Variants in METTL15 observed in about 807,000 individuals in gnomAD.
METTL15 encodes methyltransferase 15, mitochondrial 12S rRNA N4-cytidine.
Under a neutral mutation model 38.3 loss-of-function variants are expected in METTL15, and 34 were observed. The ratio of observed to expected loss-of-function variants is 0.89; its 90% CI spans 0.68 to 1.18. The LOEUF is 1.18. Among genes scored for constraint, METTL15 ranks in the 50% most tolerant of loss-of-function variants. The pLI is 0.00. For synonymous variants in METTL15, 162 were observed against 170.9 expected, an observed-to-expected ratio of 0.95 and a Z score of 0.41; for missense variants, 438 against 498.4, an observed-to-expected ratio of 0.88 and a Z score of 1.15.
intron 6 of METTL15, among the ~76,000 whole-genome samples, chr11:28,309,236 T>C (rs1410501586): frequency 6.6e-6 from 1 of 152,246 alleles, no homozygotes; most frequent in African/African-American, 2.4e-5. Context: ...TGCTGCCAAC[T>C]ACCTGGCTGA....
intron 5 of METTL15, among the ~76,000 whole-genome samples, chr11:28,392,386 A>T (rs892895928): frequency 6.6e-6 from 1 of 152,152 alleles, no homozygotes; most frequent in Non-Finnish European, 1.5e-5. Context: ...ATAAGGACAG[A>T]CATATAGACT....
rs999820762 is a variant in METTL15, at chr11:28,290,133, C to T, written c.408-73C>T. On this transcript the variant is annotated intron_variant, in intron 4 of 6. Transcript: ENST00000407364. Reference sequence around the variant, plus strand: ...ATGTAATAATAGAATGTGCTCCCTTCCATTGATCATAGACTTTAGAAAGAC... The same window carrying T: ...ATGTAATAATAGAATGTGCTCCCTTTCATTGATCATAGACTTTAGAAAGAC... 5.2e-5 allele frequency: 66 copies of T among 1,260,138 alleles called. No homozygotes were observed. The African/African-American group carries it at 7.7e-4, about 15-fold the overall frequency. The allele number at this position is 1,260,138 out of a possible 1,614,324, so 78.1% of individuals were successfully genotyped here. A position where few individuals can be genotyped will look rare whatever the true frequency, so the allele number is the denominator to read the frequency against.
chr11:28,175,365 G>A (rs1442782929), intron 3 of METTL15, among the ~76,000 whole-genome samples: 6 of 152,182 alleles, frequency 3.9e-5, no homozygotes, highest in South Asian at 2.1e-4. Flanking sequence ...CATTTGGGTT[G>A]GTTCCAAGTC....
intron 6 of METTL15, among the ~76,000 whole-genome samples, chr11:28,486,953 G>C (rs1851444242): frequency 6.6e-6 from 1 of 151,896 alleles, no homozygotes; most frequent in Non-Finnish European, 1.5e-5. Flanking sequence ...ACTAAGAATA[G>C]ATCTCCTGCA....
chr11:28,113,030 T>G (rs1208792947), intron 2 of METTL15, among the ~76,000 whole-genome samples: 1 of 152,164 alleles, frequency 6.6e-6, no homozygotes, highest in African/African-American at 2.4e-5. Flanking sequence ...GACCTAATAA[T>G]CAATTTTCAT....
At chr11:28,514,635 G>A (rs1236310987) in intron 6 of METTL15, among the ~76,000 whole-genome samples, 3 of 152,202 alleles carry the variant, frequency 2.0e-5, no homozygotes, top group African/African-American at 7.2e-5. Context: ...GAATGCTTAT[G>A]AGTTCAGAGT....
intron 6 of METTL15, among the ~76,000 whole-genome samples, chr11:28,467,063 G>C (rs1851263015): frequency 6.6e-6 from 1 of 152,164 alleles, no homozygotes; most frequent in African/African-American, 2.4e-5. Flanking sequence ...TGCCTTTCGG[G>C]ATCTCCCTAC....
intron 6 of METTL15, among the ~76,000 whole-genome samples, chr11:28,502,435 A>G (rs951702796): frequency 1.3e-5 from 2 of 152,212 alleles, no homozygotes; most frequent in African/African-American, 4.8e-5. Context: ...AAAACTTTAT[A>G]CACACAAACC....
chr11:28,386,798 T>G (rs1019186088), intron 5 of METTL15, among the ~76,000 whole-genome samples: 7 of 151,940 alleles, frequency 4.6e-5, no homozygotes, highest in Non-Finnish European at 1.0e-4. Context: ...CAAAATAGAT[T>G]CCGTGTTAGA....
intron 6 of METTL15, among the ~76,000 whole-genome samples, chr11:28,301,820 A>T (rs1246608621): frequency 1.3e-5 from 2 of 152,170 alleles, no homozygotes; most frequent in Non-Finnish European, 2.9e-5. Context: ...CCCTGCTGTG[A>T]CTTTTGTACT....
At chr11:28,358,620 A>T (rs1290619445) in intron 4 of METTL15, among the ~76,000 whole-genome samples, 1 of 152,166 alleles carries the variant, frequency 6.6e-6, no homozygotes, top group African/African-American at 2.4e-5. Flanking sequence ...TAATACCATT[A>T]TGTAGTTTCA....
intron 3 of METTL15, among the ~76,000 whole-genome samples, chr11:28,169,666 G>A (rs1850782870): frequency 1.3e-5 from 2 of 151,936 alleles, no homozygotes; most frequent in Admixed American, 6.6e-5. Flanking sequence ...CCCGTTTCTT[G>A]AGCTATTTAC....
chr11:28,234,561 A>G (rs1309562577), intron 4 of METTL15, among the ~76,000 whole-genome samples: 2 of 151,776 alleles, frequency 1.3e-5, no homozygotes, highest in African/African-American at 2.4e-5. Flanking sequence ...GCCAGTGATG[A>G]TGAGCATTTT....
intron 3 of METTL15, among the ~76,000 whole-genome samples, chr11:28,163,035 A>G (rs1850526168): frequency 6.6e-6 from 1 of 152,114 alleles, no homozygotes; most frequent in East Asian, 1.9e-4. Flanking sequence ...TATCAGAAAT[A>G]AGCAATCTAA....
At chr11:28,422,490 A>T (rs1392434900) in intron 5 of METTL15, among the ~76,000 whole-genome samples, 7 of 152,056 alleles carry the variant, frequency 4.6e-5, no homozygotes, top group Non-Finnish European at 5.9e-5. Flanking sequence ...AAACACAGAC[A>T]CATAGACCAA....
At chr11:28,491,721 A>T (rs889954240) in intron 6 of METTL15, among the ~76,000 whole-genome samples, 27 of 152,196 alleles carry the variant, frequency 1.8e-4, no homozygotes, top group Non-Finnish European at 4.4e-5. Context: ...TACCAGATAT[A>T]ATATAGAACA....
intron 6 of METTL15, among the ~76,000 whole-genome samples, chr11:28,459,956 A>G (rs1158938809): frequency 1.3e-5 from 2 of 152,074 alleles, no homozygotes; most frequent in Non-Finnish European, 2.9e-5. Flanking sequence ...GTGAAGATGA[A>G]TGAAATTCTC....
Position 28,134,607 on chromosome 11 carries a change from C to T in METTL15, c.270+21003C>T, listed in dbSNP as rs543694201. 33 of 398,464 alleles carry T rather than the reference C, an allele frequency of 8.3e-5. No individual in the cohort carries two copies. In the South Asian group the frequency reaches 8.9e-4, roughly 11 times the overall value. The allele number at this position is 398,464 out of a possible 1,614,324, so 24.7% of individuals were successfully genotyped here. ...TTAACTGCTTCCTGCTGACAGGAGG[C>T]GCTGTTTTGGAAAAGCGGCAGTTAG... On this transcript the variant is annotated intron_variant, in intron 3 of 6. Coordinates refer to ENST00000407364, the MANE Select transcript of METTL15 (RefSeq NM_001113528.2).
rs34573735 is a variant in METTL15, at chr11:28,492,520, C to CCACA, written c.*425-33935_*425-33932dup. Among the ~76,000 whole-genome samples, 1,081 of 147,046 alleles carry CCACA rather than the reference C, an allele frequency of 7.4e-3. 3 individuals are homozygous for CCACA. Among genetic ancestry groups the CCACA allele is most frequent in the African/African-American group, 0.016 (629 of 40,302 alleles). On this transcript the variant is annotated intron_variant and NMD_transcript_variant, in intron 6 of 7. Transcript: ENST00000532947. ...TAAATTTTAGAAAAGGCAACTGGAGCCACACACACACACACACACACACAC... is the reference window on the plus strand; with the variant it reads ...TAAATTTTAGAAAAGGCAACTGGAGCCACACACACACACACACACACACACACAC...
Sources: gnomAD v4.1 joint callset for allele counts (sites outside exome capture counted in the v4.1 genomes callset) on GRCh38, gnomAD v4.1.1 for gene constraint, MANE v1.5 for transcripts, NCBI Gene and HGNC (gene_info 2026-07-23, HGNC 2026-07-21) for gene names.